Variants in BCL2L13 observed in about 807,000 individuals in gnomAD.
BCL2L13 encodes the protein BCL2 like 13.
In BCL2L13, 13 loss-of-function variants were observed where a neutral mutation model predicts 25.8. The ratio of observed to expected loss-of-function variants is 0.50; its 90% CI spans 0.33 to 0.80. The LOEUF (loss-of-function observed/expected upper bound fraction) is 0.80, where lower values mean the gene tolerates loss of function less well. BCL2L13 is among the 30% of genes least tolerant of loss of function. BCL2L13 has a pLI of 0.02. For missense variants in BCL2L13, 504 were observed against 574.9 expected, an observed-to-expected ratio of 0.88 and a Z score of 1.26; for synonymous variants, 244 against 230.3, an observed-to-expected ratio of 1.06 and a Z score of -0.54.
intron 6 of BCL2L13, among the ~76,000 whole-genome samples, chr22:17,714,990 GGAAAA>G (rs1300279462): frequency 6.6e-6 from 1 of 150,908 alleles, no homozygotes; most frequent in South Asian, 2.1e-4. Flanking sequence ...AAAATCATAA[GGAAAA>G]GAAAAGAATG....
intron 1 of BCL2L13, among the ~76,000 whole-genome samples, chr22:17,643,329 C>T (rs2058354605): frequency 6.6e-6 from 1 of 151,858 alleles, no homozygotes; most frequent in African/African-American, 2.4e-5. Flanking sequence ...GGTCTTCACT[C>T]CCGACCTCAG....
chr22:17,701,664 G>A (rs563320857), intron 5 of BCL2L13, among the ~76,000 whole-genome samples: 1 of 152,170 alleles, frequency 6.6e-6, no homozygotes, highest in Admixed American at 6.5e-5. Context: ...GGTGGCACAC[G>A]CCTATAATCC....
chr22:17,724,180 A>G (rs1296711652), intron 6 of BCL2L13, among the ~76,000 whole-genome samples: 2 of 152,088 alleles, frequency 1.3e-5, no homozygotes, highest in Admixed American at 1.3e-4. Context: ...GGCTGAGGCT[A>G]GAGGATCCCT....
chr22:17,722,249 G>C (rs936249764), intron 6 of BCL2L13, among the ~76,000 whole-genome samples: 1 of 151,702 alleles, frequency 6.6e-6, no homozygotes, highest in Non-Finnish European at 1.5e-5. Flanking sequence ...TTGGAATTGA[G>C]ACAAGATCTT....
chr22:17,710,237 A>G (rs1417683731), intron 6 of BCL2L13, among the ~76,000 whole-genome samples: 3 of 152,150 alleles, frequency 2.0e-5, no homozygotes, highest in African/African-American at 7.2e-5. Context: ...TCCTAAATAC[A>G]GAAATACATT....
At chr22:17,700,085 A>G (rs776677956) in intron 5 of BCL2L13, among the ~76,000 whole-genome samples, 8 of 152,194 alleles carry the variant, frequency 5.3e-5, no homozygotes, top group Non-Finnish European at 1.2e-4. Context: ...TACCAACCGC[A>G]TAGAAAATGT....
At chr22:17,706,795 C>G in intron 6 of BCL2L13, 1 of 1,352,058 alleles carries the variant, frequency 7.4e-7, no homozygotes, top group Non-Finnish European at 9.8e-7. Flanking sequence ...GTCTGTCTGT[C>G]TCCTGGAAAG....
rs2060588266 is a variant in BCL2L13, at chr22:17,706,285, C to A, written c.600+3899C>A. Among the ~76,000 whole-genome samples the A allele has an allele frequency of 2.0e-5, 3 of 151,908 alleles. No individual in the cohort carries two copies. The South Asian group carries it at 6.2e-4, about 32-fold the overall frequency. On this transcript the variant is annotated intron_variant, in intron 6 of 6. Coordinates refer to ENST00000317582, the MANE Select transcript of BCL2L13 (RefSeq NM_015367.4). Reference sequence around the variant, plus strand: ...TTGGCCTCCCAAAGTGCTGGGATTACAGGCATGCGCCACCTTGCCCAGCCT... The same window carrying A: ...TTGGCCTCCCAAAGTGCTGGGATTAAAGGCATGCGCCACCTTGCCCAGCCT...
Position 17,727,172 on chromosome 22 carries a change from A to G in BCL2L13, c.1096A>G (p.Thr366Ala). The change falls in exon 7 of 7, where the codon ACA becomes GCA. Residue 366 changes from threonine (T) to alanine (A), a missense_variant. By Grantham distance (58) the Thr-to-Ala change is moderately conservative. Coordinates refer to ENST00000317582, the MANE Select transcript of BCL2L13 (RefSeq NM_015367.4). The part of the protein sequence containing the change: ...GTREPDTEVI[T>A]VEKSSPATSL... ...AAGGGAACCTGACACAGAAGTGATC[A>G]CAGTTGAGAAATCCAGCCCTGCTAC... 1.9e-6 allele frequency: 3 copies of G among 1,614,222 alleles called. No homozygotes were observed. Among genetic ancestry groups the G allele is most frequent in the Non-Finnish European group, 2.5e-6 (3 of 1,180,032 alleles).
upstream of BCL2L13, among the ~76,000 whole-genome samples, chr22:17,637,104 C>T (rs138340596): frequency 5.1e-4 from 78 of 151,666 alleles, no homozygotes; most frequent in East Asian, 0.014. Context: ...GAGACCCCGT[C>T]TCTATTAAAA....
intron 1 of BCL2L13, among the ~76,000 whole-genome samples, chr22:17,647,059 C>T (rs1319605861): frequency 1.4e-5 from 2 of 145,294 alleles, no homozygotes; most frequent in Non-Finnish European, 3.0e-5. Flanking sequence ...CTGCAAGCTC[C>T]GCCTCCCGGG....
At chr22:17,670,330 T>G (rs1430789233) in intron 2 of BCL2L13, among the ~76,000 whole-genome samples, 1 of 151,572 alleles carries the variant, frequency 6.6e-6, no homozygotes, top group Non-Finnish European at 1.5e-5. Flanking sequence ...GGGATTACAT[T>G]AATGTGTAGA....
chr22:17,664,670 C>T (rs531770158), intron 2 of BCL2L13, among the ~76,000 whole-genome samples: 1 of 152,372 alleles, frequency 6.6e-6, no homozygotes, highest in East Asian at 1.9e-4. Context: ...GACATCCAGG[C>T]ATTTCCATAC....
At chr22:17,643,744 G>C (rs2146408349) in intron 1 of BCL2L13, among the ~76,000 whole-genome samples, 1 of 149,908 alleles carries the variant, frequency 6.7e-6, no homozygotes, top group Admixed American at 6.7e-5. Context: ...GAGGTGTGTA[G>C]CTGGGACTAC....
Position 17,726,956 on chromosome 22 carries a change from G to A in BCL2L13, c.880G>A (p.Ala294Thr), listed in dbSNP as rs1460340603. 8.7e-6 allele frequency: 14 copies of A among 1,614,224 alleles called. No homozygotes were observed. The highest frequency in any genetic ancestry group is 1.2e-5 in the Non-Finnish European group (14 of 1,180,050). ...AGTGAAAAGCTTAGACAGCAACGGA[G>A]CTGGAGAGAAGAGTGAGAACAACTC... is the stretch of plus-strand genomic sequence containing the variant. ...EEVKSLDSNGAGEKSENNSSN... is the reference protein window; with the variant it reads ...EEVKSLDSNGTGEKSENNSSN... The change falls in exon 7 of 7, where the codon GCT (alanine) becomes ACT (threonine). Residue 294 changes from alanine to threonine, a missense_variant. Ala to Thr is a moderately conservative substitution (Grantham distance 58). Transcript: ENST00000317582.
chr22:17,675,864 A>G (rs1395155616), intron 2 of BCL2L13, among the ~76,000 whole-genome samples: 1 of 152,246 alleles, frequency 6.6e-6, no homozygotes, highest in Non-Finnish European at 1.5e-5. Context: ...ACTGCCTGTC[A>G]AGATTTCTCC....
At chr22:17,678,861 A>G (rs1200237331) in intron 2 of BCL2L13, among the ~76,000 whole-genome samples, 1 of 152,176 alleles carries the variant, frequency 6.6e-6, no homozygotes, top group African/African-American at 2.4e-5. Flanking sequence ...TAGACCTGCA[A>G]CTTAGTGGCC....
At chr22:17,707,885 C>A in intron 6 of BCL2L13, among the ~76,000 whole-genome samples, 1 of 151,610 alleles carries the variant, frequency 6.6e-6, no homozygotes, top group African/African-American at 2.4e-5. Flanking sequence ...ACCCCCTGCC[C>A]CCACCAAAAA....
In BCL2L13 at chr22:17,685,760, C is replaced by CTTTTTTTTTTTTTTTTTT. The variant is rs1166792513; in HGVS notation, c.229+2451_229+2468dup. On this transcript the variant is annotated intron_variant, in intron 3 of 6. Coordinates refer to ENST00000317582, the MANE Select transcript of BCL2L13 (RefSeq NM_015367.4). ...TATTGCCCAATAATTTTTTCTTTTT[C>CTTTTTTTTTTTTTTTTTT]TTTTTTTTTTTTTTTTTTTTTTTTT... is the stretch of plus-strand genomic sequence containing the variant. Among the ~76,000 whole-genome samples, 22 of 60,568 alleles carry CTTTTTTTTTTTTTTTTTT rather than the reference C, an allele frequency of 3.6e-4. 5 individuals carry two copies. The highest frequency in any genetic ancestry group is 4.3e-4 in the Non-Finnish European group (14 of 32,810). The allele number at this position is 60,568 out of a possible 152,430, so 39.7% of individuals were successfully genotyped here.
Sources: gnomAD v4.1 joint callset for allele counts (sites outside exome capture counted in the v4.1 genomes callset) on GRCh38, gnomAD v4.1.1 for gene constraint, MANE v1.5 for transcripts, NCBI Gene and HGNC (gene_info 2026-07-23, HGNC 2026-07-21) for gene names.